The following KLF6 variants were observed in gnomAD, a reference collection of about 807,000 sequenced individuals.
The protein encoded by KLF6 is Krueppel-like factor 6.
For missense variants in KLF6, 233 were observed against 359.8 expected, an observed-to-expected ratio of 0.65 and a Z score of 2.85; for synonymous variants, 152 against 147.9, an observed-to-expected ratio of 1.03 and a Z score of -0.20.
chr10:3,782,324 C>T lies in KLF6; in HGVS notation c.103-110G>A, dbSNP rs1390577428. 22 of 881,434 alleles carry T rather than the reference C, an allele frequency of 2.5e-5. No individual in the cohort carries two copies. The highest frequency in any genetic ancestry group is 5.9e-5 in the Admixed American group (3 of 50,748). The allele number at this position is 881,434 out of a possible 1,614,324, so 54.6% of individuals were successfully genotyped here. A position where few individuals can be genotyped will look rare whatever the true frequency, so the allele number is the denominator to read the frequency against. On this transcript the variant is annotated intron_variant, in intron 1 of 3. Coordinates refer to ENST00000497571, the MANE Select transcript of KLF6 (RefSeq NM_001300.6). This position sits in a 1 kb window ranked among gnomAD's most constrained non-coding sequence, Gnocchi z 4.3. ...ATGAAGGACAGATAACATTGCTGCC[C>T]GGTCACTACAGGGGCAAAACCTTTT...
At position 3,778,019 on chromosome 10, in the gene KLF6, G is replaced by C. The variant is rs1349707507; in HGVS notation, c.*1520C>G. 5 of 508,422 alleles carry C rather than the reference G, an allele frequency of 9.8e-6. No individual in the cohort carries two copies. Among genetic ancestry groups the C allele is most frequent in the South Asian group, 7.7e-5 (5 of 64,944 alleles). 31.5% of individuals were successfully genotyped at this position (508,422 alleles called of 1,614,324 possible). On this transcript the variant is annotated 3_prime_UTR_variant, in exon 4 of 4. Coordinates refer to ENST00000497571, the MANE Select transcript of KLF6 (RefSeq NM_001300.6). ...TACAATTGTTGTGCAAGGTCTATATGAAAGTCTCAAGGTGGCAGAATTGGT... is the reference window on the plus strand; with the variant it reads ...TACAATTGTTGTGCAAGGTCTATATCAAAGTCTCAAGGTGGCAGAATTGGT...
At position 3,784,511 on chromosome 10, in the gene KLF6, G is replaced by A. The variant is rs926938288; in HGVS notation, c.102+402C>T. ...CTGGTCTACGTTCTGGGGGCAAAAT[G>A]TGATTTTTTTAAAAAACTGTTAAGT... On this transcript the variant is annotated intron_variant, in intron 1 of 3. Transcript: ENST00000497571. 8.0e-4 allele frequency among the ~76,000 whole-genome samples: 121 copies of A among 151,938 alleles called. 1 individual carries two copies. Among genetic ancestry groups the A allele is most frequent in the African/African-American group, 2.8e-3 (118 of 41,428 alleles).
At position 3,782,429 on chromosome 10, in the gene KLF6, G is replaced by C. The variant is rs780899699; in HGVS notation, c.103-215C>G. On this transcript the variant is annotated intron_variant, in intron 1 of 3. Coordinates refer to ENST00000497571, the MANE Select transcript of KLF6 (RefSeq NM_001300.6). The surrounding 1 kb of genome is among the most constrained non-coding windows in gnomAD (Gnocchi z 4.3). ...GTAAGAATTCAGAGGAAAAGTCGGA[G>C]GGTGAAACCTCTCCTGGCTTTCCCA... Among the ~76,000 whole-genome samples the C allele has an allele frequency of 6.6e-6, 1 of 152,212 alleles. No individual in the cohort carries two copies. Among genetic ancestry groups the C allele is most frequent in the Middle Eastern group, 3.2e-3 (1 of 316 alleles).
rs1324818957 is a variant in KLF6 at position 3,781,513 on chromosome 10, A to G, written c.676+128T>C. The G allele has an allele frequency of 1.3e-6, 2 of 1,553,368 alleles. No individual in the cohort carries two copies. The highest frequency in any genetic ancestry group is 1.4e-5 in the African/African-American group (1 of 73,112). On this transcript the variant is annotated intron_variant, in intron 2 of 3. Coordinates refer to ENST00000497571, the MANE Select transcript of KLF6 (RefSeq NM_001300.6). The surrounding 1 kb of genome is among the most constrained non-coding windows in gnomAD (Gnocchi z 5.8). ...AAGACCTAATGCTTTGGTGGAAAAC[A>G]TCTGAGGAAGTGAGGATTTGTCTGC... is the stretch of plus-strand genomic sequence containing the variant.
In KLF6 at chr10:3,777,264, G is replaced by A. The variant is rs1477224030; in HGVS notation, c.*2275C>T. On this transcript the variant is annotated 3_prime_UTR_variant, in exon 4 of 4. Transcript: ENST00000497571. ...AGCCACACCCACAAGCCAGCAGCTGGGTGAAATATCAGCTGTCCACGCCGT... is the reference window on the plus strand; with the variant it reads ...AGCCACACCCACAAGCCAGCAGCTGAGTGAAATATCAGCTGTCCACGCCGT... 3.9e-6 allele frequency: 2 copies of A among 515,612 alleles called. No homozygotes were observed. The highest frequency in any genetic ancestry group is 1.6e-5 in the South Asian group (1 of 64,366). 31.9% of individuals were successfully genotyped at this position (515,612 alleles called of 1,614,324 possible). A position where few individuals can be genotyped will look rare whatever the true frequency, so the allele number is the denominator to read the frequency against.
chr10:3,781,357 AGGGGTGG>A lies in KLF6; in HGVS notation c.676+277_676+283del. On this transcript the variant is annotated intron_variant, in intron 2 of 3. Coordinates refer to ENST00000497571, the MANE Select transcript of KLF6 (RefSeq NM_001300.6). This position sits in a 1 kb window ranked among gnomAD's most constrained non-coding sequence, Gnocchi z 5.8. ...TGGCCTCGGATCCCCAGCACTACTA[AGGGGTGG>A]GGGGTGGAGGTTTGGGTGTCCGTGG... 7.2e-7 allele frequency: 1 copy of A among 1,394,374 alleles called. No individual in the cohort carries two copies. The highest frequency in any genetic ancestry group is 9.5e-7 in the Non-Finnish European group (1 of 1,054,424). 86.4% of individuals were successfully genotyped at this position (1,394,374 alleles called of 1,614,324 possible).
At chr10:3,779,962 A>AAAG in intron 3 of KLF6, 144 bp downstream of exon 3, 2 of 1,092,578 alleles carry the variant, frequency 1.8e-6, no homozygotes, top group East Asian at 5.0e-5. Context: ...AAACTTTCTA[A>AAAG]AAAGTCCCAG....
Position 3,778,163 on chromosome 10 carries a change from T to C in KLF6, c.*1376A>G. 1 of 521,040 alleles carries C rather than the reference T, an allele frequency of 1.9e-6. No homozygotes were observed. The highest frequency in any genetic ancestry group is 4.1e-5 in the East Asian group (1 of 24,216). The allele number at this position is 521,040 out of a possible 1,614,324, so 32.3% of individuals were successfully genotyped here. Reference sequence around the variant, plus strand: ...TCTATGTCTTTGTGAAGGAGGACCTTAAAGAGATTTTTTTTCTGTATTATA... The same window carrying C: ...TCTATGTCTTTGTGAAGGAGGACCTCAAAGAGATTTTTTTTCTGTATTATA... On this transcript the variant is annotated 3_prime_UTR_variant, in exon 4 of 4. Coordinates refer to ENST00000497571, the MANE Select transcript of KLF6 (RefSeq NM_001300.6).
rs1564291413 is a variant in KLF6, at chr10:3,776,112, TCAGC to T, written c.*3423_*3426del. On this transcript the variant is annotated 3_prime_UTR_variant, in exon 4 of 4. Coordinates refer to ENST00000497571, the MANE Select transcript of KLF6 (RefSeq NM_001300.6). ...CTCCTCCACCCCTCCCAGACATGCC[TCAGC>T]CAGGTGTGTGGCAGGGCTGGCTGGG... 2 of 530,088 alleles carry T rather than the reference TCAGC, an allele frequency of 3.8e-6. No homozygotes were observed. Among genetic ancestry groups the T allele is most frequent in the Admixed American group, 2.2e-5 (1 of 44,884 alleles). The allele number at this position is 530,088 out of a possible 1,614,324, so 32.8% of individuals were successfully genotyped here. A position where few individuals can be genotyped will look rare whatever the true frequency, so the allele number is the denominator to read the frequency against.
rs1005268409 is a variant in KLF6, at chr10:3,776,648, A to G, written c.*2891T>C. On this transcript the variant is annotated 3_prime_UTR_variant, in exon 4 of 4. Transcript: ENST00000497571. ...AAAACAATTTCAAATAAAATCTTGTAAAACAAAATTTTACAAAAATCTTAC... is the reference window on the plus strand; with the variant it reads ...AAAACAATTTCAAATAAAATCTTGTGAAACAAAATTTTACAAAAATCTTAC... The G allele has an allele frequency of 8.2e-6, 4 of 487,080 alleles. No homozygotes were observed. Among genetic ancestry groups the G allele is most frequent in the African/African-American group, 5.9e-5 (3 of 50,798 alleles). The allele number at this position is 487,080 out of a possible 1,614,324, so 30.2% of individuals were successfully genotyped here. A position where few individuals can be genotyped will look rare whatever the true frequency, so the allele number is the denominator to read the frequency against.
Position 3,781,852 on chromosome 10 carries a change from G to C in KLF6, c.465C>G (p.Ser155Arg). Residue 155 changes from serine to arginine, a missense_variant, in exon 2 of 4, where the codon AGC becomes AGG. Physicochemically the swap from Ser to Arg is moderately radical, Grantham distance 110. Coordinates refer to ENST00000497571, the MANE Select transcript of KLF6 (RefSeq NM_001300.6). This position sits in a 1 kb window ranked among gnomAD's most constrained non-coding sequence, Gnocchi z 5.8. ...TSTPPSSPEL[S>R]REPSQLWGCV... ...AACCCCACAGTTGAGAAGGTTCCCT[G>C]CTCAGTTCCGGAGAAGATGGAGGCG... is the stretch of plus-strand genomic sequence containing the variant. 1 of 1,614,216 alleles carries C rather than the reference G, an allele frequency of 6.2e-7. No homozygotes were observed. The highest frequency in any genetic ancestry group is 2.2e-5 in the East Asian group (1 of 44,886).
rs753910274 is a variant in KLF6 at position 3,779,526 on chromosome 10, C to T, written c.*13G>A. On this transcript the variant is annotated 3_prime_UTR_variant, in exon 4 of 4. Coordinates refer to ENST00000497571, the MANE Select transcript of KLF6 (RefSeq NM_001300.6). ...GAAGCCTTTTAGCCTACAGGATCCA[C>T]CTCTCTGCTCCCTCAGAGGTGCCTC... 6.2e-7 allele frequency: 1 copy of T among 1,612,548 alleles called. No homozygotes were observed. Among genetic ancestry groups the T allele is most frequent in the South Asian group, 1.1e-5 (1 of 91,046 alleles).
rs773135301 is a variant in KLF6, at chr10:3,778,285, G to A, written c.*1254C>T. 12 of 526,866 alleles carry A rather than the reference G, an allele frequency of 2.3e-5. No individual in the cohort carries two copies. Among genetic ancestry groups the A allele is most frequent in the Admixed American group, 1.6e-4 (7 of 44,700 alleles). The allele number at this position is 526,866 out of a possible 1,614,324, so 32.6% of individuals were successfully genotyped here. A position where few individuals can be genotyped will look rare whatever the true frequency, so the allele number is the denominator to read the frequency against. ...GACCCCCACAGAAGGGATCGCTTGC[G>A]TAAGGCACCATTATGAAGGTCAACA... On this transcript the variant is annotated 3_prime_UTR_variant, in exon 4 of 4. Coordinates refer to ENST00000497571, the MANE Select transcript of KLF6 (RefSeq NM_001300.6).
Position 3,781,608 on chromosome 10 carries a change from CGGCCGCCCTCCGG to C in KLF6, c.676+20_676+32del. 6.2e-7 allele frequency: 1 copy of C among 1,607,220 alleles called. No individual in the cohort carries two copies. The highest frequency in any genetic ancestry group is 8.5e-7 in the Non-Finnish European group (1 of 1,176,942). On this transcript the variant is annotated intron_variant, in intron 2 of 3. Transcript: ENST00000497571. This position sits in a 1 kb window ranked among gnomAD's most constrained non-coding sequence, Gnocchi z 5.8. ...GGTGCAATGCAGTGGCGCCCACCAG[CGGCCGCCCTCCGG>C]GGCCCGCGTGGGCACTGACCTGTGT... is the stretch of plus-strand genomic sequence containing the variant.
At position 3,776,918 on chromosome 10, in the gene KLF6, A is replaced by G. The variant is rs1253911369; in HGVS notation, c.*2621T>C. The G allele has an allele frequency of 7.8e-6, 4 of 512,664 alleles. No homozygotes were observed. Among genetic ancestry groups the G allele is most frequent in the Non-Finnish European group, 1.5e-5 (4 of 267,940 alleles). 31.8% of individuals were successfully genotyped at this position (512,664 alleles called of 1,614,324 possible). Reference sequence around the variant, plus strand: ...TTCGTAAGTGAGACAAGCCAGTGCAAGTTTTTTTTTTTCCTTTTTTTTTTT... The same window carrying G: ...TTCGTAAGTGAGACAAGCCAGTGCAGGTTTTTTTTTTTCCTTTTTTTTTTT... On this transcript the variant is annotated 3_prime_UTR_variant, in exon 4 of 4. Transcript: ENST00000497571.
Position 3,777,596 on chromosome 10 carries a change from A to G in KLF6, c.*1943T>C, listed in dbSNP as rs767680205. On this transcript the variant is annotated 3_prime_UTR_variant, in exon 4 of 4. Coordinates refer to ENST00000497571, the MANE Select transcript of KLF6 (RefSeq NM_001300.6). ...ATTCAAGCAAGAAAGTCCTCCGCAC[A>G]TCGTTAAATTAAAGATAAAGCCTCT... The G allele has an allele frequency of 4.1e-5, 21 of 510,210 alleles. No individual in the cohort carries two copies. The highest frequency in any genetic ancestry group is 6.9e-5 in the Non-Finnish European group (18 of 261,184). 31.6% of individuals were successfully genotyped at this position (510,210 alleles called of 1,614,324 possible). A position where few individuals can be genotyped will look rare whatever the true frequency, so the allele number is the denominator to read the frequency against.
rs989436772 is a variant in KLF6 at position 3,782,443 on chromosome 10, C to T, written c.103-229G>A. On this transcript the variant is annotated intron_variant, in intron 1 of 3. Transcript: ENST00000497571. The surrounding 1 kb of genome is among the most constrained non-coding windows in gnomAD (Gnocchi z 4.3). ...GAAAAGTCGGAGGGTGAAACCTCTC[C>T]TGGCTTTCCCAATGTTGGGCCAAGG... 4.6e-5 allele frequency among the ~76,000 whole-genome samples: 7 copies of T among 152,222 alleles called. No individual in the cohort carries two copies. Among genetic ancestry groups the T allele is most frequent in the African/African-American group, 1.7e-4 (7 of 41,460 alleles).
chr10:3,779,303 CG>C lies in KLF6; in HGVS notation c.*235del, dbSNP rs1832468848. 1 of 660,578 alleles carries C rather than the reference CG, an allele frequency of 1.5e-6. No individual in the cohort carries two copies. The highest frequency in any genetic ancestry group is 2.8e-6 in the Non-Finnish European group (1 of 359,154). The allele number at this position is 660,578 out of a possible 1,614,324, so 40.9% of individuals were successfully genotyped here. A position where few individuals can be genotyped will look rare whatever the true frequency, so the allele number is the denominator to read the frequency against. On this transcript the variant is annotated 3_prime_UTR_variant, in exon 4 of 4. Coordinates refer to ENST00000497571, the MANE Select transcript of KLF6 (RefSeq NM_001300.6). ...TCACGGCAAAGGCTTAGGCGCCGCT[CG>C]GAAGGGCGGGTACCAGTGGCGAGTC...
Position 3,785,183 on chromosome 10 carries a change from A to G in KLF6, c.-169T>C. The G allele has an allele frequency of 7.2e-7, 1 of 1,390,810 alleles. No individual in the cohort carries two copies. 86.2% of individuals were successfully genotyped at this position (1,390,810 alleles called of 1,614,324 possible). On this transcript the variant is annotated 5_prime_UTR_variant, in exon 1 of 4. Coordinates refer to ENST00000497571, the MANE Select transcript of KLF6 (RefSeq NM_001300.6). ...AGCCCGCAGCGCGCGGAGCCCACACAATATTTGCAAACACCGGACTGACTG... is the reference window on the plus strand; with the variant it reads ...AGCCCGCAGCGCGCGGAGCCCACACGATATTTGCAAACACCGGACTGACTG...
Sources: gnomAD v4.1 joint callset for allele counts (sites outside exome capture counted in the v4.1 genomes callset) on GRCh38, gnomAD v4.1.1 for gene constraint, Gnocchi (gnomAD v3.1) non-coding constraint, MANE v1.5 for transcripts, NCBI Gene and HGNC (gene_info 2026-07-23, HGNC 2026-07-21) for gene names.